The following GALNT7 variants were observed in gnomAD, a reference collection of about 807,000 sequenced individuals.
GALNT7 encodes the protein polypeptide N-acetylgalactosaminyltransferase 7.
A neutral mutation model predicts 82.1 loss-of-function variants in GALNT7; 60 were observed. The ratio of observed to expected loss-of-function variants is 0.73; its 90% CI spans 0.59 to 0.91. The LOEUF is 0.91. Ranked by LOEUF, GALNT7 falls within the 40% of genes least tolerant of loss-of-function variation. The pLI, the probability that GALNT7 is intolerant of heterozygous loss-of-function variation, is 0.00. For synonymous variants in GALNT7, 243 were observed against 275.1 expected (o/e 0.88, Z 1.15); for missense variants, 660 against 804.2 (o/e 0.82, Z 2.17).
chr4:173,200,348 T>C (rs946448881), intron 1 of GALNT7, among the ~76,000 whole-genome samples: 11 of 152,312 alleles, frequency 7.2e-5, no homozygotes, highest in African/African-American at 2.4e-4. Context: ...TTAATCTGTT[T>C]AGAACTATTT....
In GALNT7 at chr4:173,194,835, T is replaced by TA. The variant is rs553150538; in HGVS notation, c.126+25875dup. On this transcript the variant is annotated intron_variant, in intron 1 of 11. Transcript: ENST00000265000. ...CCCCGGTGTGTGATGTTCCCCTTCC[T>TA]AGGAGATAAATTTAATCTGGTTTTC... Among the ~76,000 whole-genome samples the TA allele has an allele frequency of 1.1e-4, 17 of 152,092 alleles. No homozygotes were observed. The South Asian group carries it at 3.5e-3, about 32-fold the overall frequency.
chr4:173,241,496 T>C (rs560854346), intron 1 of GALNT7, among the ~76,000 whole-genome samples: 2 of 152,348 alleles, frequency 1.3e-5, no homozygotes, highest in African/African-American at 4.8e-5. Flanking sequence ...TTCCAAATGG[T>C]AATGCATAAA....
chr4:173,169,865 C>T (rs1731795878), intron 1 of GALNT7, among the ~76,000 whole-genome samples: 1 of 152,016 alleles, frequency 6.6e-6, no homozygotes, highest in Non-Finnish European at 1.5e-5. Flanking sequence ...GCCCGGCCGC[C>T]CCGCGCCGGC....
At chr4:173,259,049 C>G (rs1219898224) in intron 2 of GALNT7, among the ~76,000 whole-genome samples, 1 of 152,236 alleles carries the variant, frequency 6.6e-6, no homozygotes, top group African/African-American at 2.4e-5. Context: ...GGAACACACA[C>G]ATCCGCTTCC....
Position 173,318,506 on chromosome 4 carries a change from G to C in GALNT7, c.1783G>C (p.Val595Leu). ...CLTKGADGSK[V>L]MITHCNLNEF... is the part of the protein sequence containing the mutation. ...GACAAAGGGAGCTGATGGATCAAAA[G>C]TTATGATTACACACTGTAATCTAAA... Residue 595 changes from valine to leucine, a missense_variant, in exon 11 of 12, where the codon GTT becomes CTT. Physicochemically the swap from Val to Leu is conservative, Grantham distance 32 (BLOSUM62 1). Transcript: ENST00000265000. The C allele has an allele frequency of 6.3e-7, 1 of 1,578,304 alleles. No individual in the cohort carries two copies. Among genetic ancestry groups the C allele is most frequent in the South Asian group, 1.1e-5 (1 of 89,940 alleles).
chr4:173,295,607 T>A, intron 4 of GALNT7, 81 bp downstream of exon 4: 1 of 1,406,588 alleles, frequency 7.1e-7, no homozygotes, highest in African/African-American at 1.4e-5. Context: ...ATTCTTCAGT[T>A]TTTTTAATTG....
At chr4:173,269,863 T>G (rs190350402) in intron 2 of GALNT7, among the ~76,000 whole-genome samples, 27 of 152,302 alleles carry the variant, frequency 1.8e-4, no homozygotes, top group African/African-American at 6.5e-4. Context: ...AATTTTATAA[T>G]CATGCAGGAA....
intron 8 of GALNT7, among the ~76,000 whole-genome samples, chr4:173,309,566 A>G (rs1440381896): frequency 6.6e-6 from 1 of 152,174 alleles, no homozygotes; most frequent in Non-Finnish European, 1.5e-5. Flanking sequence ...TGGCAAAACA[A>G]CTTTGAGGTT....
intron 1 of GALNT7, among the ~76,000 whole-genome samples, chr4:173,189,463 T>C (rs1259799757): frequency 6.6e-6 from 1 of 152,238 alleles, no homozygotes; most frequent in Non-Finnish European, 1.5e-5. Context: ...TGAATTATGT[T>C]TCAGTTATCG....
intron 2 of GALNT7, among the ~76,000 whole-genome samples, chr4:173,264,995 C>A (rs149568105): frequency 1.0e-3 from 159 of 152,350 alleles, no homozygotes; most frequent in African/African-American, 3.7e-3. Context: ...GAAGCAAATG[C>A]TGCTTTGATC....
chr4:173,251,031 T>G (rs889788786), intron 2 of GALNT7, among the ~76,000 whole-genome samples: 5 of 152,214 alleles, frequency 3.3e-5, no homozygotes, highest in African/African-American at 1.2e-4. Context: ...TAATTAGATA[T>G]TGGTTTATTA....
rs184568522 is a variant in GALNT7 at position 173,322,488 on chromosome 4, C to G, written c.*771C>G. The G allele has an allele frequency of 6.6e-6, 1 of 152,314 alleles. No individual in the cohort carries two copies. Among genetic ancestry groups the G allele is most frequent in the African/African-American group, 2.4e-5 (1 of 41,570 alleles). The allele number at this position is 152,314 out of a possible 1,614,324, so 9.4% of individuals were successfully genotyped here. On this transcript the variant is annotated 3_prime_UTR_variant, in exon 12 of 12. Transcript: ENST00000265000. The stretch of plus-strand genomic sequence containing the variant: ...AGTTGTGTAGCATTCACTCCCTTAC[C>G]TACTGGCATTCCCAGTGCCCTCTGT...
chr4:173,321,140 C>T (rs1325955524), intron 11 of GALNT7, among the ~76,000 whole-genome samples: 1 of 152,092 alleles, frequency 6.6e-6, no homozygotes, highest in Non-Finnish European at 1.5e-5. Flanking sequence ...GAGGGCCAAA[C>T]CAGGGCATCT....
At position 173,302,928 on chromosome 4, in the gene GALNT7, C is replaced by T. The variant is rs1012503596; in HGVS notation, c.1266+764C>T. ...TGTGCTTAAAAAACCGTCGGCCAGG[C>T]GCTCATGCCTATAAACCCATCACTT... On this transcript the variant is annotated intron_variant, in intron 7 of 11. Transcript: ENST00000265000. The surrounding 1 kb of genome is among the most constrained non-coding windows in gnomAD (Gnocchi z 4.2). Among the ~76,000 whole-genome samples, 5 of 152,180 alleles carry T rather than the reference C, an allele frequency of 3.3e-5. No homozygotes were observed. The highest frequency in any genetic ancestry group is 9.6e-5 in the African/African-American group (4 of 41,452).
chr4:173,257,413 A>G (rs1735083536), intron 2 of GALNT7, among the ~76,000 whole-genome samples: 1 of 152,250 alleles, frequency 6.6e-6, no homozygotes, highest in South Asian at 2.1e-4. Flanking sequence ...TAAGCTGAAT[A>G]TGTAAAAGGT....
At chr4:173,284,250 A>AT (rs1736227361) in intron 2 of GALNT7, among the ~76,000 whole-genome samples, 1 of 152,188 alleles carries the variant, frequency 6.6e-6, no homozygotes, top group African/African-American at 2.4e-5. Context: ...CCATTTTTTG[A>AT]AGAAGATTAA....
At position 173,261,304 on chromosome 4, in the gene GALNT7, C is replaced by G. The variant is rs185960552; in HGVS notation, c.587+12864C>G. ...ACAGCATTTCACCTAATGGGCACAGCTTGGGGATGTATATCCAGAGAAAAC... is the reference window on the plus strand; with the variant it reads ...ACAGCATTTCACCTAATGGGCACAGGTTGGGGATGTATATCCAGAGAAAAC... On this transcript the variant is annotated intron_variant, in intron 2 of 11. Coordinates refer to ENST00000265000, the MANE Select transcript of GALNT7 (RefSeq NM_017423.3). 7.7e-3 allele frequency among the ~76,000 whole-genome samples: 1,174 copies of G among 152,148 alleles called. 13 individuals carry two copies. The highest frequency in any genetic ancestry group is 0.026 in the African/African-American group (1,096 of 41,482).
intron 1 of GALNT7, among the ~76,000 whole-genome samples, chr4:173,170,204 T>A (rs1731813449): frequency 6.6e-6 from 1 of 151,838 alleles, no homozygotes; most frequent in Non-Finnish European, 1.5e-5. Context: ...CGGCTGCCAG[T>A]GGGGGTAGGA....
At chr4:173,182,935 C>CACACACACACAA (rs1363263524) in intron 1 of GALNT7, among the ~76,000 whole-genome samples, 1 of 149,694 alleles carries the variant, frequency 6.7e-6, no homozygotes, top group African/African-American at 2.5e-5. Flanking sequence ...TACACACACA[C>CACACACACACAA]ACACACACAC....
Sources: gnomAD v4.1 joint callset for allele counts (sites outside exome capture counted in the v4.1 genomes callset) on GRCh38, gnomAD v4.1.1 for gene constraint, Gnocchi (gnomAD v3.1) non-coding constraint, MANE v1.5 for transcripts, NCBI Gene and HGNC (gene_info 2026-07-23, HGNC 2026-07-21) for gene names.